Variants in POLK observed in about 807,000 individuals in gnomAD.
POLK encodes the protein DNA polymerase kappa, also known as polymerase (DNA directed) kappa.
In POLK, 76 loss-of-function variants were observed where a neutral mutation model predicts 94.0. That is an observed-to-expected ratio of 0.81 (90% CI 0.67 to 0.98). The LOEUF is 0.98. Among genes scored for constraint, POLK ranks in the 50% least tolerant of loss-of-function variants. The pLI is 0.00. For synonymous variants in POLK, 349 were observed against 325.4 expected (o/e 1.07, Z -0.78); for missense variants, 954 against 1,010.1 (o/e 0.94, Z 0.75).
intron 1 of POLK, among the ~76,000 whole-genome samples, chr5:75,527,244 G>A (rs1172096393): frequency 6.6e-6 from 1 of 152,018 alleles, no homozygotes; most frequent in Non-Finnish European, 1.5e-5. Flanking sequence ...GCAAGGTGCA[G>A]TGGTTCACAC....
chr5:75,596,482 C>T lies in POLK; in HGVS notation c.1789C>T (p.Gln597Ter), dbSNP rs1396591085. 6.2e-7 allele frequency: 1 copy of T among 1,613,952 alleles called. No homozygotes were observed. The highest frequency in any genetic ancestry group is 1.1e-5 in the South Asian group (1 of 91,074). Residue 597 changes from glutamine to a stop codon, truncating the protein, a stop_gained, in exon 13 of 15, where the codon CAA becomes TAA. Transcript: ENST00000241436. LOFTEE classifies it high-confidence loss of function. Reference sequence around the variant, plus strand: ...GAATAAACAAAGTTTCCAGACATCACAACCATTCCAAGTTTTAAAGAAGAA... The same window carrying T: ...GAATAAACAAAGTTTCCAGACATCATAACCATTCCAAGTTTTAAAGAAGAA...
chr5:75,511,317 C>A, upstream of POLK: 2 of 1,549,436 alleles, frequency 1.3e-6, no homozygotes, highest in Non-Finnish European at 1.7e-6. Flanking sequence ...GAAGAGTGCC[C>A]GCTCCGGTGT....
Position 75,596,918 on chromosome 5 carries a change from A to G in POLK, c.2225A>G (p.His742Arg). The change falls in exon 13 of 15, where the codon CAT becomes CGT. Residue 742 changes from histidine (H) to arginine (R), a missense_variant. His to Arg is a conservative substitution (Grantham distance 29). Coordinates refer to ENST00000241436, the Ensembl canonical transcript of POLK. The stretch of plus-strand genomic sequence containing the variant: ...AAGTCTTTTAATATTGAACACTGTC[A>G]TCAGAATTCTTCTTCTACTGTTTCA... 6.2e-6 allele frequency: 10 copies of G among 1,613,602 alleles called. No homozygotes were observed. Among genetic ancestry groups the G allele is most frequent in the Non-Finnish European group, 8.5e-6 (10 of 1,179,678 alleles).
chr5:75,588,726 G>T (rs1772600444), intron 10 of POLK, among the ~76,000 whole-genome samples: 2 of 152,206 alleles, frequency 1.3e-5, no homozygotes, highest in Admixed American at 1.3e-4. Context: ...TCTTCTAGAA[G>T]CTCTGGGAGA....
chr5:75,518,327 G>C (rs929763975), intron 1 of POLK, among the ~76,000 whole-genome samples: 24 of 152,066 alleles, frequency 1.6e-4, no homozygotes, highest in Admixed American at 3.9e-4. Context: ...TTACTGGTCT[G>C]TTCAGGTTTT....
In POLK at chr5:75,594,074, T is replaced by C. The variant is rs367636848; in HGVS notation, c.1528+25T>C. On this transcript the variant is annotated intron_variant, in intron 12 of 14. Coordinates refer to ENST00000241436, the Ensembl canonical transcript of POLK. ...GGTATGACTTTTTCATTTTTTTGTT[T>C]TTCCTTAAATCTGCTAGATTTTCCC... The C allele has an allele frequency of 2.3e-4, 353 of 1,522,480 alleles. 1 individual carries two copies. The highest frequency in any genetic ancestry group is 3.0e-4 in the Non-Finnish European group (336 of 1,124,414). The allele number at this position is 1,522,480 out of a possible 1,614,324, so 94.3% of individuals were successfully genotyped here.
At chr5:75,515,241 T>C (rs1263935718) in intron 1 of POLK, among the ~76,000 whole-genome samples, 4 of 152,230 alleles carry the variant, frequency 2.6e-5, no homozygotes, top group African/African-American at 4.8e-5. Flanking sequence ...ATTTTATTTT[T>C]TGTATTTTTG....
chr5:75,591,335 A>C (rs1045308136), intron 11 of POLK, among the ~76,000 whole-genome samples: 1 of 152,208 alleles, frequency 6.6e-6, no homozygotes, highest in Non-Finnish European at 1.5e-5. Flanking sequence ...TGTTTTAAAA[A>C]AATTACTACA....
At chr5:75,563,866 T>A (rs918004604) in intron 3 of POLK, among the ~76,000 whole-genome samples, 1 of 152,222 alleles carries the variant, frequency 6.6e-6, no homozygotes, top group African/African-American at 2.4e-5. Flanking sequence ...AGAATGTATA[T>A]CCTGTTGATT....
chr5:75,594,795 G>A (rs752763913), intron 12 of POLK, among the ~76,000 whole-genome samples: 2 of 152,080 alleles, frequency 1.3e-5, no homozygotes, highest in Non-Finnish European at 2.9e-5. Flanking sequence ...GCCACTACAT[G>A]GTAAAAAGTA....
At chr5:75,526,538 CAG>C (rs1768851598) in intron 1 of POLK, among the ~76,000 whole-genome samples, 1 of 149,294 alleles carries the variant, frequency 6.7e-6, no homozygotes, top group Non-Finnish European at 1.5e-5. Context: ...ATGATTTAAA[CAG>C]AGATAAACTT....
intron 10 of POLK, among the ~76,000 whole-genome samples, chr5:75,589,068 TA>T (rs1772615989): frequency 6.6e-6 from 1 of 152,196 alleles, no homozygotes; most frequent in Non-Finnish European, 1.5e-5. Flanking sequence ...TTTGATGCCA[TA>T]ATTCTTTTAC....
intron 3 of POLK, among the ~76,000 whole-genome samples, chr5:75,554,707 T>A (rs572847008): frequency 6.6e-6 from 1 of 152,280 alleles, no homozygotes; most frequent in Non-Finnish European, 1.5e-5. Context: ...CTTGTATGTG[T>A]CCATGTGGTT....
At chr5:75,572,233 T>A (rs1426802034) in intron 4 of POLK, among the ~76,000 whole-genome samples, 1 of 152,210 alleles carries the variant, frequency 6.6e-6, no homozygotes, top group Non-Finnish European at 1.5e-5. Context: ...AATATTCTCC[T>A]TTTTACTCTC....
chr5:75,531,576 C>G (rs149872627), intron 1 of POLK, among the ~76,000 whole-genome samples: 1 of 151,632 alleles, frequency 6.6e-6, no homozygotes, highest in Non-Finnish European at 1.5e-5. Flanking sequence ...AGGTGGATCA[C>G]GAGGTCAGGA....
At chr5:75,562,573 T>A (rs1046881829) in intron 3 of POLK, among the ~76,000 whole-genome samples, 1 of 152,194 alleles carries the variant, frequency 6.6e-6, no homozygotes, top group Non-Finnish European at 1.5e-5. Context: ...AGAGAGGACA[T>A]CCTTGTCTAG....
rs1358394704 is a variant in POLK at position 75,569,219 on chromosome 5, G to A, written c.256-121G>A. 4 of 646,432 alleles carry A rather than the reference G, an allele frequency of 6.2e-6. No homozygotes were observed. The East Asian group carries it at 1.1e-4, about 18-fold the overall frequency. The allele number at this position is 646,432 out of a possible 1,614,324, so 40.0% of individuals were successfully genotyped here. A position where few individuals can be genotyped will look rare whatever the true frequency, so the allele number is the denominator to read the frequency against. On this transcript the variant is annotated intron_variant, in intron 3 of 14. Coordinates refer to ENST00000241436, the Ensembl canonical transcript of POLK. ...TGGATGGATGAATGGATGGATGGAT[G>A]GATGAATGGGTGTGTGGACAGAGAC...
intron 1 of POLK, among the ~76,000 whole-genome samples, chr5:75,514,716 T>C (rs1768240524): frequency 6.6e-6 from 1 of 152,100 alleles, no homozygotes; most frequent in Non-Finnish European, 1.5e-5. Flanking sequence ...TTTAGAAAAG[T>C]CACTCAGGCA....
chr5:75,520,474 A>G (rs1768518772), intron 1 of POLK, among the ~76,000 whole-genome samples: 1 of 152,172 alleles, frequency 6.6e-6, no homozygotes, highest in African/African-American at 2.4e-5. Flanking sequence ...AGCTCACTGT[A>G]GTCTCGAACT....
Sources: gnomAD v4.1 joint callset for allele counts (sites outside exome capture counted in the v4.1 genomes callset) on GRCh38, gnomAD v4.1.1 for gene constraint, MANE v1.5 for transcripts, NCBI Gene and HGNC (gene_info 2026-07-23, HGNC 2026-07-21) for gene names.